OCRL: variants seen among roughly 807,000 people sequenced by gnomAD.
OCRL encodes OCRL inositol polyphosphate-5-phosphatase.
OCRL carries 8 observed loss-of-function variants against 78.9 expected under a neutral mutation model. That is an observed-to-expected ratio of 0.10 (90% CI 0.06 to 0.18). OCRL has a LOEUF of 0.18. OCRL is among the 10% of genes least tolerant of loss of function. The pLI is 1.00. For missense variants in OCRL, 454 were observed against 696.7 expected, an observed-to-expected ratio of 0.65 and a Z score of 3.92; for synonymous variants, 240 against 235.4, an observed-to-expected ratio of 1.02 and a Z score of -0.18.
chrX:129,544,665 A>G (rs771980021), intron 2 of OCRL, among the ~76,000 whole-genome samples: 150 of 111,330 alleles, frequency 1.3e-3, no homozygotes, highest in Non-Finnish European at 2.0e-3. Flanking sequence ...TCAGTTCTTC[A>G]CTCTGGTATG....
At chrX:129,560,679 T>C (rs778095334) in intron 9 of OCRL, 28 bp downstream of exon 9, 15 of 1,006,222 alleles carry the variant, frequency 1.5e-5, no homozygotes, top group Middle Eastern at 2.6e-4. Context: ...AATTTCCTTT[T>C]GGCTATATGT....
chrX:129,579,370 CATGAG>C (rs1936412647), intron 18 of OCRL, among the ~76,000 whole-genome samples: 1 of 111,651 alleles, frequency 9.0e-6, no homozygotes, highest in Non-Finnish European at 1.9e-5. Flanking sequence ...TTTCAAATCT[CATGAG>C]ATGATGCTGT....
chrX:129,547,254 G>T (rs1392759605), intron 3 of OCRL, among the ~76,000 whole-genome samples: 1 of 110,107 alleles, frequency 9.1e-6, no homozygotes, highest in Non-Finnish European at 1.9e-5. Context: ...GGCTGGGCGC[G>T]GTGGCTCAGG....
chrX:129,540,859 C>T (rs777980940), intron 2 of OCRL, 36 bp downstream of exon 2: 2 of 1,086,731 alleles, frequency 1.8e-6, no homozygotes, highest in Non-Finnish European at 2.6e-6. Context: ...AGGAGGGGAG[C>T]CTGCCATTAC....
At chrX:129,571,169 A>G (rs1333505660) in intron 15 of OCRL, among the ~76,000 whole-genome samples, 1 of 111,359 alleles carries the variant, frequency 9.0e-6, no homozygotes, top group Non-Finnish European at 1.9e-5. Flanking sequence ...AACTTCTTTT[A>G]GCCCATCTAA....
intron 8 of OCRL, 134 bp downstream of exon 8, chrX:129,559,135 C>T: frequency 1.8e-6 from 1 of 561,945 alleles, no homozygotes; most frequent in Non-Finnish European, 2.9e-6. Flanking sequence ...TTTCAAGCTC[C>T]TGTCTCTATG....
chrX:129,543,965 C>T (rs1935843446), intron 2 of OCRL, among the ~76,000 whole-genome samples: 1 of 111,198 alleles, frequency 9.0e-6, no homozygotes, highest in Non-Finnish European at 1.9e-5. Flanking sequence ...ATAAATATAA[C>T]CATAATGGAG....
chrX:129,590,000 C>T (rs200405476), intron 23 of OCRL, 44 bp downstream of exon 23: 78 of 1,130,165 alleles, frequency 6.9e-5, no homozygotes, highest in Non-Finnish European at 9.5e-5. Context: ...TGAGAATACT[C>T]TTAGTGCATT....
intron 2 of OCRL, among the ~76,000 whole-genome samples, chrX:129,542,962 G>GT (rs774384980): frequency 2.5e-3 from 280 of 111,470 alleles, no homozygotes; most frequent in African/African-American, 8.6e-3. Context: ...AAAAATCAGG[G>GT]TTTTTTTGGA....
At chrX:129,576,197 C>G (rs933910599) in intron 17 of OCRL, 120 bp from the exon 18 acceptor site, 6 of 890,714 alleles carry the variant, frequency 6.7e-6, no homozygotes, top group East Asian at 6.3e-5. Flanking sequence ...TGTGTCCTGT[C>G]TCTTCCCCCT....
At chrX:129,574,338 A>G (rs1316796583) in intron 15 of OCRL, among the ~76,000 whole-genome samples, 1 of 112,660 alleles carries the variant, frequency 8.9e-6, no homozygotes. Flanking sequence ...ATTGGTTTGT[A>G]TGAAGTTTTA....
At chrX:129,550,937 GTTTT>G (rs113308111) in intron 4 of OCRL, among the ~76,000 whole-genome samples, 4 of 96,500 alleles carry the variant, frequency 4.1e-5, no homozygotes, top group Admixed American at 3.3e-4. Flanking sequence ...ATTTGACAGG[GTTTT>G]TTTTTTTTTT....
chrX:129,565,751 A>G, intron 12 of OCRL, 21 bp from the exon 13 acceptor site: 1 of 1,121,699 alleles, frequency 8.9e-7, no homozygotes, highest in Non-Finnish European at 1.2e-6. Flanking sequence ...ACTTCTGTTC[A>G]TACATTTTTT....
intron 18 of OCRL, among the ~76,000 whole-genome samples, chrX:129,578,041 C>G (rs1202954465): frequency 9.0e-6 from 1 of 111,321 alleles, no homozygotes; most frequent in African/African-American, 3.3e-5. Context: ...CCCCCACATG[C>G]CTTCTGTACA....
At chrX:129,562,285 C>T (rs1352005474) in intron 10 of OCRL, 99 bp from the exon 11 acceptor site, 1 of 651,231 alleles carries the variant, frequency 1.5e-6, no homozygotes, top group Non-Finnish European at 2.6e-6. Context: ...GATTTGGGCA[C>T]TAGTATATCA....
Position 129,560,583 on chromosome X carries a change from G to A in OCRL, c.756G>A (p.Gln252=). 1 of 1,204,030 alleles carries A rather than the reference G, an allele frequency of 8.3e-7. No homozygotes were observed. Among genetic ancestry groups the A allele is most frequent in the Non-Finnish European group, 1.1e-6 (1 of 888,705 alleles). The part of the protein sequence containing the change: ...FFVGTWNVNG[Q]SPDSGLEPWL... ...TTGGAACTTGGAATGTGAATGGCCA[G>A]TCTCCAGATAGCGGGTTAGAACCTT... The change falls in exon 9 of 24, where the codon CAG becomes CAA. Residue 252 remains glutamine (Q), a synonymous_variant. Transcript: ENST00000371113.
At chrX:129,587,852 C>T (rs940749402) in intron 20 of OCRL, among the ~76,000 whole-genome samples, 3 of 109,011 alleles carry the variant, frequency 2.8e-5, no homozygotes, top group East Asian at 2.9e-4. Flanking sequence ...CTGGGCAACA[C>T]GGTGAAACCC....
chrX:129,576,091 C>T, intron 17 of OCRL, 29 bp downstream of exon 17: 1 of 1,173,918 alleles, frequency 8.5e-7, no homozygotes. Flanking sequence ...ATTGTCTCTG[C>T]TGGTGATGTC....
rs1936101284 is a variant in OCRL, at chrX:129,558,829, T to G, written c.561-11T>G. On this transcript the variant is annotated splice_polypyrimidine_tract_variant and intron_variant, in intron 7 of 23. Coordinates refer to ENST00000371113, the MANE Select transcript of OCRL (RefSeq NM_000276.4). ...ACAATTTTACTTTTGAATCTCTCAT[T>G]TATTTGCTAGGCTTCCACGTGAAAA... 3 of 1,212,042 alleles carry G rather than the reference T, an allele frequency of 2.5e-6. No individual in the cohort carries two copies. Among genetic ancestry groups the G allele is most frequent in the East Asian group, 3.0e-5 (1 of 33,858 alleles).
Sources: allele counts gnomAD v4.1 joint callset (sites outside exome capture counted in the v4.1 genomes callset), GRCh38; gene constraint gnomAD v4.1.1; transcripts MANE v1.5; gene names NCBI Gene and HGNC (gene_info 2026-07-23, HGNC 2026-07-21).